The following SLC19A3 variants were observed in gnomAD, a reference collection of about 807,000 sequenced individuals.
The protein encoded by SLC19A3 is solute carrier family 19 member 3, also known as thiamine transporter 2.
In SLC19A3, 31 loss-of-function variants were observed where a neutral mutation model predicts 40.2. The observed-to-expected ratio is 0.77, with a 90% CI of 0.58 to 1.04. The LOEUF is 1.04. Ranked by LOEUF, SLC19A3 falls within the 50% of genes least tolerant of loss-of-function variation. The pLI, the probability that SLC19A3 is intolerant of heterozygous loss-of-function variation, is 0.00. For missense variants in SLC19A3, 592 were observed against 596.7 expected, an observed-to-expected ratio of 0.99 and a Z score of 0.08; for synonymous variants, 212 against 227.5, an observed-to-expected ratio of 0.93 and a Z score of 0.61.
intron 1 of SLC19A3, among the ~76,000 whole-genome samples, chr2:227,709,962 T>C (rs1426941517): frequency 1.3e-5 from 2 of 152,104 alleles, no homozygotes; most frequent in Non-Finnish European, 2.9e-5. Flanking sequence ...GGAATGGTTT[T>C]GGGATGAAAC....
chr2:227,696,158 C>T, intron 3 of SLC19A3, 77 bp from the exon 4 acceptor site: 2 of 1,400,768 alleles, frequency 1.4e-6, no homozygotes, highest in East Asian at 2.3e-5. Flanking sequence ...TCTTAAAAAC[C>T]CAGGTCTCGG....
intron 1 of SLC19A3, among the ~76,000 whole-genome samples, chr2:227,707,988 C>G (rs1024079245): frequency 5.9e-5 from 9 of 152,320 alleles, no homozygotes; most frequent in Non-Finnish European, 1.3e-4. Flanking sequence ...CTTGGCCTCC[C>G]AAAGTGCCAG....
At chr2:227,697,175 TC>T (rs71961180) in intron 3 of SLC19A3, among the ~76,000 whole-genome samples, 6,361 of 152,154 alleles carry the variant, frequency 0.042, 447 homozygotes, top group African/African-American at 0.14. Context: ...TAACTATTTT[TC>T]CCCCCATGGA....
intron 1 of SLC19A3, among the ~76,000 whole-genome samples, chr2:227,717,221 C>T (rs4366900): frequency 2.0e-5 from 3 of 152,030 alleles, no homozygotes; most frequent in African/African-American, 7.2e-5. Flanking sequence ...AAGCTGGTCT[C>T]GAATTCCTGA....
At chr2:227,691,875 G>A (rs1180782302) in intron 4 of SLC19A3, among the ~76,000 whole-genome samples, 1 of 152,080 alleles carries the variant, frequency 6.6e-6, no homozygotes, top group African/African-American at 2.4e-5. Flanking sequence ...AATAAAACTA[G>A]AGATGTAAAA....
chr2:227,710,110 C>T (rs1696087686), intron 1 of SLC19A3, among the ~76,000 whole-genome samples: 1 of 152,054 alleles, frequency 6.6e-6, no homozygotes, highest in African/African-American at 2.4e-5. Flanking sequence ...AGACGGAGCT[C>T]AGGTGGTAAT....
intron 1 of SLC19A3, among the ~76,000 whole-genome samples, chr2:227,710,037 T>G (rs1028399106): frequency 3.3e-5 from 5 of 152,144 alleles, no homozygotes; most frequent in Admixed American, 3.3e-4. Flanking sequence ...ATCCCTTGCA[T>G]GCACAGTTCA....
intron 1 of SLC19A3, among the ~76,000 whole-genome samples, chr2:227,711,816 G>A (rs917326675): frequency 2.0e-5 from 3 of 151,992 alleles, no homozygotes; most frequent in African/African-American, 7.2e-5. Context: ...TTGGGAGGCC[G>A]AGGTAGGTGG....
At chr2:227,694,973 C>T (rs201615452) in intron 4 of SLC19A3, among the ~76,000 whole-genome samples, 1 of 151,904 alleles carries the variant, frequency 6.6e-6, no homozygotes, top group African/African-American at 2.4e-5. Context: ...GGTGGGAGGA[C>T]TGCTTGAGCC....
chr2:227,713,466 C>T (rs1696216447), intron 1 of SLC19A3, among the ~76,000 whole-genome samples: 1 of 148,454 alleles, frequency 6.7e-6, no homozygotes, highest in African/African-American at 2.5e-5. Flanking sequence ...CATAAGGGCT[C>T]TGTGCTCATG....
intron 1 of SLC19A3, among the ~76,000 whole-genome samples, chr2:227,709,655 C>T (rs1696072395): frequency 6.6e-6 from 1 of 152,144 alleles, no homozygotes; most frequent in Non-Finnish European, 1.5e-5. Context: ...GCACTCAGAG[C>T]TGTGGGGCTC....
chr2:227,686,000 C>G lies in SLC19A3; in HGVS notation c.*1397G>C, dbSNP rs2106315687. ...TCACCTGAAGTCAGGAGTTTGAGAC[C>G]AGCCTGGCCAACATTGTGAAACCCC... is the stretch of plus-strand genomic sequence containing the variant. On this transcript the variant is annotated 3_prime_UTR_variant, in exon 6 of 6. Transcript: ENST00000644224. The G allele has an allele frequency of 3.9e-6, 1 of 255,678 alleles. No homozygotes were observed. Among genetic ancestry groups the G allele is most frequent in the South Asian group, 3.2e-5 (1 of 30,948 alleles). 15.8% of individuals were successfully genotyped at this position (255,678 alleles called of 1,614,324 possible).
Position 227,699,450 on chromosome 2 carries a change from T to C in SLC19A3, c.265A>G (p.Ser89Gly), listed in dbSNP as rs759807393. 1 of 1,614,154 alleles carries C rather than the reference T, an allele frequency of 6.2e-7. No individual in the cohort carries two copies. Among genetic ancestry groups the C allele is most frequent in the Non-Finnish European group, 8.5e-7 (1 of 1,180,040 alleles). Residue 89 changes from serine (S) to glycine (G), a missense_variant, in exon 3 of 6, where the codon AGT becomes GGT. By Grantham distance (56) the Ser-to-Gly change is moderately conservative. Coordinates refer to ENST00000644224, the MANE Select transcript of SLC19A3 (RefSeq NM_025243.4). The part of the protein sequence containing the change: ...YKPVIILQGI[S>G]FIITWLLLLF... The stretch of plus-strand genomic sequence containing the variant: ...AGCAGCAGCCAGGTAATGATGAAAC[T>C]GATACCTTGCAAGATGATGACTGGC...
intron 1 of SLC19A3, among the ~76,000 whole-genome samples, chr2:227,706,043 G>T (rs1695925790): frequency 7.1e-6 from 1 of 141,576 alleles, no homozygotes; most frequent in South Asian, 2.2e-4. Context: ...GTGAGATCCT[G>T]TCTGAAAAAA....
At position 227,686,088 on chromosome 2, in the gene SLC19A3, T is replaced by C. The variant is rs1695003212; in HGVS notation, c.*1309A>G. On this transcript the variant is annotated 3_prime_UTR_variant, in exon 6 of 6. Coordinates refer to ENST00000644224, the MANE Select transcript of SLC19A3 (RefSeq NM_025243.4). Reference sequence around the variant, plus strand: ...GGTGTGCACCCATAGTCCCAGCTACTTGGGAGGCTGAGGTAGGAGAATGGC... The same window carrying C: ...GGTGTGCACCCATAGTCCCAGCTACCTGGGAGGCTGAGGTAGGAGAATGGC... The C allele has an allele frequency of 1.6e-5, 7 of 441,010 alleles. No homozygotes were observed. Among genetic ancestry groups the C allele is most frequent in the South Asian group, 3.2e-5 (2 of 62,360 alleles). 27.3% of individuals were successfully genotyped at this position (441,010 alleles called of 1,614,324 possible). A position where few individuals can be genotyped will look rare whatever the true frequency, so the allele number is the denominator to read the frequency against.
intron 2 of SLC19A3, 129 bp downstream of exon 2, chr2:227,702,040 A>G: frequency 1.3e-6 from 1 of 778,880 alleles, no homozygotes; most frequent in Admixed American, 2.2e-5. Context: ...TGGGACACAT[A>G]TTATGAAAAT....
At chr2:227,687,657 T>C in intron 5 of SLC19A3, 84 bp from the exon 6 acceptor site, 2 of 1,460,814 alleles carry the variant, frequency 1.4e-6, no homozygotes, top group Non-Finnish European at 9.4e-7. Flanking sequence ...TTGGTTTGCT[T>C]GGATTATGGG....
At chr2:227,696,960 G>C (rs2106326862) in intron 3 of SLC19A3, among the ~76,000 whole-genome samples, 1 of 152,278 alleles carries the variant, frequency 6.6e-6, no homozygotes, top group East Asian at 1.9e-4. Flanking sequence ...AGCTACTCAG[G>C]AGGCTGAGGC....
At position 227,685,185 on chromosome 2, in the gene SLC19A3, C is replaced by T. The variant is rs1320390462; in HGVS notation, c.*2212G>A. On this transcript the variant is annotated 3_prime_UTR_variant, in exon 6 of 6. Transcript: ENST00000644224. ...AACATATTAGTCCATTATCACATTG[C>T]TATAAAGAAACACCTGAGACTAGAT... is the stretch of plus-strand genomic sequence containing the variant. 1 of 151,860 alleles carries T rather than the reference C, an allele frequency of 6.6e-6. No homozygotes were observed. The highest frequency in any genetic ancestry group is 6.6e-5 in the Admixed American group (1 of 15,218). 9.4% of individuals were successfully genotyped at this position (151,860 alleles called of 1,614,324 possible).
Sources: gnomAD v4.1 joint callset for allele counts (sites outside exome capture counted in the v4.1 genomes callset) on GRCh38, gnomAD v4.1.1 for gene constraint, MANE v1.5 for transcripts, NCBI Gene and HGNC (gene_info 2026-07-23, HGNC 2026-07-21) for gene names.